The following TXNDC8 variants were observed in gnomAD, a reference collection of about 807,000 sequenced individuals.
TXNDC8 encodes the protein thioredoxin domain containing 8.
Under a neutral mutation model 12.9 loss-of-function variants are expected in TXNDC8, and 15 were observed. The ratio of observed to expected loss-of-function variants is 1.16; its 90% CI spans 0.78 to 1.79. TXNDC8 has a LOEUF of 1.79. Among genes scored for constraint, TXNDC8 ranks in the 40% most tolerant of loss-of-function variants. The pLI is 0.00. For synonymous variants in TXNDC8, 40 were observed against 35.4 expected (o/e 1.13, Z -0.46); for missense variants, 128 against 113.2 (o/e 1.13, Z -0.59).
chr9:110,337,624 C>T (rs1332801438), intron 1 of TXNDC8, 149 bp downstream of exon 1: 1 of 716,250 alleles, frequency 1.4e-6, no homozygotes, highest in Non-Finnish European at 2.3e-6. Flanking sequence ...CCTCAAGGAA[C>T]AAGATAAAGA....
intron 2 of TXNDC8, among the ~76,000 whole-genome samples, chr9:110,331,752 C>T (rs1839552098): frequency 6.6e-6 from 1 of 152,170 alleles, no homozygotes; most frequent in Non-Finnish European, 1.5e-5. Flanking sequence ...ATGTGCAATT[C>T]ACAATAGGGT....
chr9:110,335,226 A>T (rs1839697972), intron 1 of TXNDC8, among the ~76,000 whole-genome samples: 1 of 151,996 alleles, frequency 6.6e-6, no homozygotes, highest in African/African-American at 2.4e-5. Flanking sequence ...TGTTTTCTTT[A>T]TTTTTATTTT....
chr9:110,326,036 C>A (rs1471162128), intron 3 of TXNDC8, 139 bp downstream of exon 4: 16 of 818,624 alleles, frequency 2.0e-5, no homozygotes, highest in Non-Finnish European at 3.0e-5. Flanking sequence ...GTACAACATA[C>A]TTGTATGTAG....
intron 3 of TXNDC8, among the ~76,000 whole-genome samples, chr9:110,307,790 T>G (rs1838519740): frequency 6.6e-6 from 1 of 152,206 alleles, no homozygotes. Flanking sequence ...CCTCCCCGCT[T>G]CAAGTTGTCC....
chr9:110,314,388 G>T (rs1277487462), intron 3 of TXNDC8, among the ~76,000 whole-genome samples: 9 of 151,544 alleles, frequency 5.9e-5, no homozygotes, highest in Admixed American at 2.0e-4. Flanking sequence ...CTCAAAATCG[G>T]CAAATTAAAC....
At chr9:110,314,567 G>A (rs898708783) in intron 3 of TXNDC8, among the ~76,000 whole-genome samples, 24 of 151,542 alleles carry the variant, frequency 1.6e-4, no homozygotes, top group African/African-American at 5.8e-4. Context: ...GGAGTAGCTG[G>A]GACTACAGGC....
chr9:110,315,923 G>A (rs977421300), intron 3 of TXNDC8, among the ~76,000 whole-genome samples: 2 of 151,702 alleles, frequency 1.3e-5, no homozygotes, highest in African/African-American at 2.4e-5. Context: ...TTTGAGACAG[G>A]GTCTTGCTCT....
chr9:110,309,789 A>G (rs1362238808), intron 3 of TXNDC8, among the ~76,000 whole-genome samples: 2 of 152,218 alleles, frequency 1.3e-5, no homozygotes, highest in African/African-American at 4.8e-5. Context: ...AGTGCTGCTT[A>G]CAAGCAGCAC....
At chr9:110,323,859 A>C in intron 3 of TXNDC8, 1 of 1,549,464 alleles carries the variant, frequency 6.5e-7, no homozygotes, top group Non-Finnish European at 8.7e-7. Flanking sequence ...CAGTGATATC[A>C]AAGGAGAAGG....
At chr9:110,331,924 C>A (rs1466626214) in intron 2 of TXNDC8, among the ~76,000 whole-genome samples, 1 of 152,070 alleles carries the variant, frequency 6.6e-6, no homozygotes, top group South Asian at 2.1e-4. Flanking sequence ...GGGTTGGGGA[C>A]CCCTGATCTA....
At chr9:110,311,521 G>GATATA (rs1491185921) in intron 3 of TXNDC8, among the ~76,000 whole-genome samples, 66 of 41,240 alleles carry the variant, frequency 1.6e-3, no homozygotes, top group African/African-American at 3.8e-3. Flanking sequence ...AAATAAAGAG[G>GATATA]TATATATATA....
intron 3 of TXNDC8, among the ~76,000 whole-genome samples, chr9:110,307,312 T>C (rs1838507059): frequency 1.3e-5 from 2 of 152,098 alleles, no homozygotes; most frequent in South Asian, 2.1e-4. Context: ...TTGATGACCA[T>C]AGGCCTGTGT....
chr9:110,316,617 G>A (rs183602280), intron 3 of TXNDC8, among the ~76,000 whole-genome samples: 1 of 152,306 alleles, frequency 6.6e-6, no homozygotes, highest in African/African-American at 2.4e-5. Flanking sequence ...TAAAAACAAT[G>A]TTAATTTTTT....
chr9:110,303,792 A>G (rs1221072650), intron 4 of TXNDC8: 13 of 1,225,074 alleles, frequency 1.1e-5, no homozygotes, highest in Non-Finnish European at 1.4e-5. Context: ...TTTGCTAAAA[A>G]CTTTGCCAGA....
downstream of TXNDC8, among the ~76,000 whole-genome samples, chr9:110,302,095 T>A (rs1184782478): frequency 3.3e-5 from 5 of 152,070 alleles, no homozygotes; most frequent in African/African-American, 4.8e-5. Context: ...GCGCAAGTAA[T>A]CCTCCCACCT....
intron 3 of TXNDC8, among the ~76,000 whole-genome samples, chr9:110,305,856 TTTTTC>T (rs148102397): frequency 2.1e-4 from 26 of 124,336 alleles, no homozygotes; most frequent in African/African-American, 7.5e-4. Flanking sequence ...CTTTTCTTTC[TTTTTC>T]TTTTCTTTTC....
chr9:110,310,317 C>A (rs1157459582), intron 3 of TXNDC8, among the ~76,000 whole-genome samples: 1 of 152,216 alleles, frequency 6.6e-6, no homozygotes, highest in South Asian at 2.1e-4. Context: ...GCACACCAGA[C>A]ATTTTCTCTC....
chr9:110,326,126 G>A (rs771168256), intron 3 of TXNDC8, 49 bp downstream of exon 4: 1 of 1,600,720 alleles, frequency 6.2e-7, no homozygotes, highest in African/African-American at 1.3e-5. Flanking sequence ...GAGGGACTCT[G>A]ATGGTTCTAT....
At chr9:110,320,385 G>A (rs761383877) in intron 3 of TXNDC8, among the ~76,000 whole-genome samples, 1 of 152,118 alleles carries the variant, frequency 6.6e-6, no homozygotes, top group Non-Finnish European at 1.5e-5. Flanking sequence ...GCACCCTCTT[G>A]CCTGCCATCA....
Sources: allele counts gnomAD v4.1 joint callset (sites outside exome capture counted in the v4.1 genomes callset), GRCh38; gene constraint gnomAD v4.1.1; transcripts MANE v1.5; gene names NCBI Gene and HGNC (gene_info 2026-07-23, HGNC 2026-07-21).